Variants in MGAT1 observed in about 807,000 individuals in gnomAD.
The protein encoded by MGAT1 is N-glycosyl-oligosaccharide-glycoprotein N-acetylglucosaminyltransferase I.
A neutral mutation model predicts 31.7 loss-of-function variants in MGAT1; 14 were observed. That is an observed-to-expected ratio of 0.44 (90% CI 0.29 to 0.69). MGAT1 has a LOEUF of 0.69. Ranked by LOEUF, MGAT1 falls within the 30% of genes least tolerant of loss-of-function variation. The pLI is 0.12. For synonymous variants in MGAT1, 338 were observed against 276.0 expected (o/e 1.22, Z -2.23); for missense variants, 557 against 626.0 (o/e 0.89, Z 1.18).
chr5:180,814,980 C>G (rs1405356730), intron 1 of MGAT1, among the ~76,000 whole-genome samples: 1 of 151,668 alleles, frequency 6.6e-6, no homozygotes. Context: ...CAAGGAATAT[C>G]TGAAACTGGG....
chr5:180,807,587 C>T (rs1772032887), upstream of MGAT1, among the ~76,000 whole-genome samples: 1 of 152,202 alleles, frequency 6.6e-6, no homozygotes. Flanking sequence ...AGTGCCTAGC[C>T]AGACACCTGC....
chr5:180,803,345 T>G (rs1354473322), upstream of MGAT1: 1 of 152,326 alleles, frequency 6.6e-6, no homozygotes. Flanking sequence ...CTTTTGTTTT[T>G]CCTTGGTGGG....
chr5:180,795,651 T>C (rs1769204034), intron 1 of MGAT1: 1 of 152,208 alleles, frequency 6.6e-6, no homozygotes, highest in Admixed American at 6.5e-5. Context: ...CGAATATCCT[T>C]ATACTATTTT....
intron 1 of MGAT1, among the ~76,000 whole-genome samples, chr5:180,798,993 G>A (rs960679801): frequency 6.6e-6 from 1 of 152,178 alleles, no homozygotes. Context: ...TCCTTCGTAG[G>A]AAACACTGTT....
Position 180,787,141 on chromosome 5 carries a change from G to A in MGAT1, c.*4493C>T, listed in dbSNP as rs1767621384. 1 of 152,456 alleles carries A rather than the reference G, an allele frequency of 6.6e-6. No homozygotes were observed. The highest frequency in any genetic ancestry group is 2.1e-4 in the South Asian group (1 of 4,838). 9.4% of individuals were successfully genotyped at this position (152,456 alleles called of 1,614,324 possible). A position where few individuals can be genotyped will look rare whatever the true frequency, so the allele number is the denominator to read the frequency against. On this transcript the variant is annotated 3_prime_UTR_variant, in exon 2 of 2. Transcript: ENST00000307826. The stretch of plus-strand genomic sequence containing the variant: ...TTGTGTTACCCCCGCCTCACAGGAA[G>A]AGGCTCTGGCAGGAAGAACAGCTGG...
At chr5:180,798,000 T>G (rs960846553) in intron 1 of MGAT1, among the ~76,000 whole-genome samples, 7 of 152,250 alleles carry the variant, frequency 4.6e-5, no homozygotes, top group African/African-American at 1.7e-4. Flanking sequence ...AAAAGGATGA[T>G]CAAGCCCAGA....
At position 180,791,647 on chromosome 5, in the gene MGAT1, G is replaced by C; in HGVS notation, c.1325C>G (p.Pro442Arg). The part of the protein sequence containing the change: ...APPLTWEGYD[P>R]SWN ...GACAGGCAGGTGCTAATTCCAGCTA[G>C]GATCATAGCCCTCCCACGTCAGTGG... is the stretch of plus-strand genomic sequence containing the variant. The change falls in exon 2 of 2, where the codon CCT becomes CGT. Residue 442 changes from proline (P) to arginine (R), a missense_variant. Pro to Arg is a moderately radical substitution (Grantham distance 103). Coordinates refer to ENST00000307826, the MANE Select transcript of MGAT1 (RefSeq NM_002406.4). The C allele has an allele frequency of 3.1e-6, 5 of 1,613,436 alleles. No individual in the cohort carries two copies. The highest frequency in any genetic ancestry group is 3.4e-6 in the Non-Finnish European group (4 of 1,179,912).
Position 180,792,723 on chromosome 5 carries a change from C to A in MGAT1, c.249G>T (p.Arg83=). The part of the protein sequence containing the change: ...QQIGDALSSQ[R]GRVPTAAPPA... ...GAGGGGCCGCGGTGGGCACCCTCCC[C>A]CGCTGGCTCGACAGGGCATCCCCGA... The change falls in exon 2 of 2, where the codon CGG becomes CGT. Residue 83 remains arginine, a synonymous_variant. Transcript: ENST00000307826. The A allele has an allele frequency of 1.3e-6, 2 of 1,547,248 alleles. No homozygotes were observed. The highest frequency in any genetic ancestry group is 1.7e-6 in the Non-Finnish European group (2 of 1,147,556).
chr5:180,802,275 C>G (rs1264571804), intron 1 of MGAT1, among the ~76,000 whole-genome samples: 1 of 152,194 alleles, frequency 6.6e-6, no homozygotes, highest in African/African-American at 2.4e-5. Flanking sequence ...TCAACATTTC[C>G]TTTCTGCTGA....
At chr5:180,810,233 C>T (rs1313773483) in intron 1 of MGAT1, 1 of 152,014 alleles carries the variant, frequency 6.6e-6, no homozygotes, top group African/African-American at 2.4e-5. Flanking sequence ...GGAAGTGGGC[C>T]CCGGCAACGC....
intron 1 of MGAT1, among the ~76,000 whole-genome samples, chr5:180,813,235 T>G (rs1014025949): frequency 1.3e-5 from 2 of 152,220 alleles, no homozygotes; most frequent in African/African-American, 4.8e-5. Flanking sequence ...GTCACACCAT[T>G]TTTTGTCATC....
intron 1 of MGAT1, among the ~76,000 whole-genome samples, chr5:180,813,782 A>G (rs1415863582): frequency 6.6e-6 from 1 of 152,144 alleles, no homozygotes; most frequent in Non-Finnish European, 1.5e-5. Context: ...GCAGCAGTAA[A>G]ATGGCCTCTG....
At chr5:180,813,526 G>A (rs1276634824) in intron 1 of MGAT1, among the ~76,000 whole-genome samples, 1 of 152,146 alleles carries the variant, frequency 6.6e-6, no homozygotes, top group Non-Finnish European at 1.5e-5. Flanking sequence ...CGCTAGCTGG[G>A]CCAAAAGTCT....
upstream of MGAT1, chr5:180,804,011 C>T (rs919481361): frequency 2.6e-5 from 4 of 152,326 alleles, no homozygotes; most frequent in African/African-American, 9.6e-5. Context: ...CTTGTTTCTA[C>T]ATGAAACCAC....
chr5:180,814,386 C>T (rs763411634), intron 1 of MGAT1, among the ~76,000 whole-genome samples: 3 of 152,236 alleles, frequency 2.0e-5, no homozygotes. Flanking sequence ...TGACACACTT[C>T]TCTTGACTCC....
chr5:180,804,662 A>C (rs1047811747), upstream of MGAT1, among the ~76,000 whole-genome samples: 5 of 152,230 alleles, frequency 3.3e-5, no homozygotes, highest in African/African-American at 1.2e-4. Context: ...TAAAGGAAAA[A>C]ACAATTGTGT....
chr5:180,796,813 T>C (rs181972843), intron 1 of MGAT1, among the ~76,000 whole-genome samples: 3 of 152,172 alleles, frequency 2.0e-5, no homozygotes, highest in Non-Finnish European at 4.4e-5. Context: ...GCTTTCACCA[T>C]GTTGGCCAGG....
At chr5:180,814,050 A>G (rs531265900) in intron 1 of MGAT1, among the ~76,000 whole-genome samples, 11 of 152,226 alleles carry the variant, frequency 7.2e-5, no homozygotes, top group African/African-American at 1.9e-4. Context: ...CTGATTTTCA[A>G]TGTTTTGTTG....
chr5:180,797,830 C>A, intron 1 of MGAT1, among the ~76,000 whole-genome samples: 1 of 152,242 alleles, frequency 6.6e-6, no homozygotes, highest in Non-Finnish European at 1.5e-5. Flanking sequence ...ACCCCTAGTT[C>A]CAGCCCACCT....
Sources: allele counts gnomAD v4.1 joint callset (sites outside exome capture counted in the v4.1 genomes callset), GRCh38; gene constraint gnomAD v4.1.1; transcripts MANE v1.5; gene names NCBI Gene and HGNC (gene_info 2026-07-23, HGNC 2026-07-21).